LYST: variants seen among roughly 807,000 people sequenced by gnomAD.
LYST encodes lysosomal trafficking regulator, also known as lysosomal-trafficking regulator.
Under a neutral mutation model 413.6 loss-of-function variants are expected in LYST, and 192 were observed. That is an observed-to-expected ratio of 0.46 (90% confidence interval 0.41 to 0.52). The LOEUF is 0.52. LYST is among the 20% of genes least tolerant of loss of function. The pLI is 0.00. For missense variants in LYST, 3,815 were observed against 4,499.9 expected (o/e 0.85, Z 4.35); for synonymous variants, 1,525 against 1,567.3 (o/e 0.97, Z 0.64).
intron 47 of LYST, among the ~76,000 whole-genome samples, chr1:235,691,699 C>CTCTT (rs1553266441): frequency 2.3e-4 from 32 of 141,996 alleles, no homozygotes; most frequent in African/African-American, 8.2e-4. Context: ...CAGATTCTCT[C>CTCTT]TTTTTTTTTT....
At chr1:235,751,007 A>G (rs1365128659) in intron 28 of LYST, among the ~76,000 whole-genome samples, 1 of 152,226 alleles carries the variant, frequency 6.6e-6, no homozygotes, top group Non-Finnish European at 1.5e-5. Flanking sequence ...CACAATGCTC[A>G]GCACATGGTA....
intron 1 of LYST, among the ~76,000 whole-genome samples, chr1:235,872,554 T>A (rs1396116384): frequency 6.6e-6 from 1 of 152,202 alleles, no homozygotes; most frequent in Non-Finnish European, 1.5e-5. Context: ...GCAGGATGCC[T>A]CTGGAATGAA....
chr1:235,804,609 CT>C lies in LYST; in HGVS notation c.3449del (p.Lys1150ArgfsTer2). ...GCTTTGCTAGTTGTGTTTCAATCAC[CT>C]TTGACTGGGAAAGATGGTCCCTCAT... is the stretch of plus-strand genomic sequence containing the variant. ...FEMRDHLSQS[K>X]VIETQLAKPL... On this transcript the variant is annotated frameshift_variant, in exon 7 of 53. Coordinates refer to ENST00000389793, the MANE Select transcript of LYST (RefSeq NM_000081.4). LOFTEE classifies it high-confidence loss of function. 6.2e-7 allele frequency: 1 copy of C among 1,611,474 alleles called. No homozygotes were observed.
chr1:235,777,646 C>G (rs577940401), intron 16 of LYST, among the ~76,000 whole-genome samples: 10 of 152,282 alleles, frequency 6.6e-5, no homozygotes, highest in African/African-American at 2.4e-4. Flanking sequence ...AGGCACTATT[C>G]TAAGCACTTA....
At position 235,813,351 on chromosome 1, in the gene LYST, T is replaced by C. The variant is rs7522053; in HGVS notation, c.193-290A>G. Among the ~76,000 whole-genome samples the C allele has an allele frequency of 0.5, 76,123 of 152,102 alleles. 22,551 individuals carry two copies. Among genetic ancestry groups the C allele is most frequent in the African/African-American group, 0.82 (34,240 of 41,504 alleles). ...CACCATGCACATTGCAAGAATTCCTTACCTATGAAGAAACAGATTTGCTAG... is the reference window on the plus strand; with the variant it reads ...CACCATGCACATTGCAAGAATTCCTCACCTATGAAGAAACAGATTTGCTAG... On this transcript the variant is annotated intron_variant, in intron 3 of 52. Transcript: ENST00000389793.
chr1:235,826,737 G>GTGGCAC (rs1241537172), intron 3 of LYST, among the ~76,000 whole-genome samples: 1 of 152,198 alleles, frequency 6.6e-6, no homozygotes, highest in Non-Finnish European at 1.5e-5. Flanking sequence ...TCAGAGTGCA[G>GTGGCAC]TGGCACGACC....
At chr1:235,780,405 TAA>T (rs903701174) in intron 16 of LYST, among the ~76,000 whole-genome samples, 1 of 145,876 alleles carries the variant, frequency 6.9e-6, no homozygotes, top group Non-Finnish European at 1.5e-5. Context: ...TCCTGTCTCT[TAA>T]AAAAAAAAAT....
intron 1 of LYST, among the ~76,000 whole-genome samples, chr1:235,853,296 A>G (rs143594664): frequency 1.0e-3 from 157 of 152,336 alleles, no homozygotes; most frequent in Non-Finnish European, 1.8e-3. Context: ...TCAGCATCGG[A>G]GGGTTAAGAA....
At chr1:235,819,355 G>C (rs990509136) in intron 3 of LYST, among the ~76,000 whole-genome samples, 2 of 152,086 alleles carry the variant, frequency 1.3e-5, no homozygotes, top group African/African-American at 2.4e-5. Flanking sequence ...TGTCCTTTTA[G>C]AAGTGATAAA....
chr1:235,803,089 T>C (rs1243160719), intron 7 of LYST, 25 bp from the exon 8 acceptor site: 5 of 1,594,646 alleles, frequency 3.1e-6, no homozygotes, highest in Non-Finnish European at 4.3e-6. Context: ...AATTCAAAGG[T>C]TGTAACATTT....
chr1:235,810,404 A>G lies in LYST; in HGVS notation c.414T>C (p.Asn138=). ...GCTGTCGTCTGCTTTTTCGAAAAAC[A>G]TTTACTTTTGCAGAAACCTGACTAG... ...ALSSQVSAKV[N]VFRKSRRQRK... is the part of the protein sequence containing the mutation. The change falls in exon 5 of 53, where the codon AAT becomes AAC. Residue 138 remains asparagine, a synonymous_variant. Coordinates refer to ENST00000389793, the MANE Select transcript of LYST (RefSeq NM_000081.4). 1 of 1,612,222 alleles carries G rather than the reference A, an allele frequency of 6.2e-7. No homozygotes were observed. The highest frequency in any genetic ancestry group is 1.7e-5 in the Admixed American group (1 of 59,588).
rs776487888 is a variant in LYST, at chr1:235,808,661, G to T, written c.2157C>A (p.Ile719=). 1.2e-6 allele frequency: 2 copies of T among 1,613,252 alleles called. No homozygotes were observed. The highest frequency in any genetic ancestry group is 1.1e-5 in the South Asian group (1 of 91,058). ...ACTGAACAACTATATTGCCTTTCTG[G>T]ATTAAATTGCAAATGTGATTTGCAA... ...IQIANHICNL[I]QKGNIVVQWK... Residue 719 remains isoleucine (I), a synonymous_variant, in exon 5 of 53, where the codon ATC becomes ATA. Transcript: ENST00000389793.
Position 235,807,410 on chromosome 1 carries a change from A to G in LYST, c.2364-638T>C, listed in dbSNP as rs3768063. Among the ~76,000 whole-genome samples the G allele has an allele frequency of 4.0e-4, 61 of 152,328 alleles. No homozygotes were observed. The East Asian group carries it at 0.011, about 28-fold the overall frequency. ...GTAATAACTTTAATATAAGCCAGCT[A>G]GGTGATTCTCAGCCCTTTCATCACA... On this transcript the variant is annotated intron_variant, in intron 5 of 52. Transcript: ENST00000389793.
chr1:235,719,786 T>A (rs1192700074), intron 40 of LYST, among the ~76,000 whole-genome samples: 1 of 151,818 alleles, frequency 6.6e-6, no homozygotes, highest in Non-Finnish European at 1.5e-5. Context: ...TGGGAAGCAA[T>A]CAGAAAATAC....
Position 235,791,799 on chromosome 1 carries a change from C to T in LYST, c.4443G>A (p.Val1481=). Residue 1481 remains valine, a synonymous_variant, in exon 12 of 53, where the codon GTG becomes GTA. Transcript: ENST00000389793. ...EGFSVSLWFN[V]ECIHEAESTT... The stretch of plus-strand genomic sequence containing the variant: ...TACTCTCAGCTTCATGGATACACTC[C>T]ACATTAAACCACAGGGAAACACTGA... The T allele has an allele frequency of 6.2e-7, 1 of 1,613,950 alleles. No individual in the cohort carries two copies. The highest frequency in any genetic ancestry group is 8.5e-7 in the Non-Finnish European group (1 of 1,179,854).
At chr1:235,745,244 T>C (rs1019457483) in intron 29 of LYST, among the ~76,000 whole-genome samples, 1 of 152,176 alleles carries the variant, frequency 6.6e-6, no homozygotes, top group African/African-American at 2.4e-5. Context: ...GAGAACATGA[T>C]TTATAGTGCT....
chr1:235,862,922 T>A (rs984585759), intron 1 of LYST, among the ~76,000 whole-genome samples: 3 of 152,128 alleles, frequency 2.0e-5, no homozygotes, highest in African/African-American at 4.8e-5. Context: ...TGTTCTATTT[T>A]ATAAAATGAG....
intron 31 of LYST, among the ~76,000 whole-genome samples, chr1:235,741,105 G>A (rs1164751453): frequency 6.6e-6 from 1 of 152,104 alleles, no homozygotes; most frequent in Non-Finnish European, 1.5e-5. Flanking sequence ...GTAATATAAT[G>A]CTTTTTTAAA....
intron 1 of LYST, among the ~76,000 whole-genome samples, chr1:235,838,681 G>T (rs1209108690): frequency 6.6e-6 from 1 of 152,136 alleles, no homozygotes; most frequent in Non-Finnish European, 1.5e-5. Flanking sequence ...ATTATTAGTT[G>T]AGCAATGACA....
Sources: gnomAD v4.1 joint callset for allele counts (sites outside exome capture counted in the v4.1 genomes callset) on GRCh38, gnomAD v4.1.1 for gene constraint, MANE v1.5 for transcripts, NCBI Gene and HGNC (gene_info 2026-07-23, HGNC 2026-07-21) for gene names.